The following NEB variants were observed in gnomAD, a reference collection of about 807,000 sequenced individuals.
The protein encoded by NEB is nemaline myopathy type 2.
In NEB, 512 loss-of-function variants were observed where a neutral mutation model predicts 952.2. The observed-to-expected ratio is 0.54, with a 90% confidence interval of 0.50 to 0.58. The LOEUF (loss-of-function observed/expected upper bound fraction) is 0.58, where lower values mean the gene tolerates loss of function less well. NEB is among the 20% of genes least tolerant of loss of function. The pLI, the probability that NEB is intolerant of heterozygous loss-of-function variation, is 0.00. For synonymous variants in NEB, 2,900 were observed against 3,149.8 expected, an observed-to-expected ratio of 0.92 and a Z score of 2.66; for missense variants, 8,428 against 9,231.1, an observed-to-expected ratio of 0.91 and a Z score of 3.56.
chr2:151,643,128 C>A (rs1293387209), intron 58 of NEB, 22 bp downstream of exon 58: 1 of 1,592,804 alleles, frequency 6.3e-7, no homozygotes, highest in Admixed American at 1.7e-5. Context: ...TAATAACCTC[C>A]TCAAACAAAC....
rs1470223803 is a variant in NEB at position 151,650,333 on chromosome 2, C to T, written c.7274G>A (p.Ser2425Asn). 6.2e-7 allele frequency: 1 copy of T among 1,613,906 alleles called. No homozygotes were observed. The highest frequency in any genetic ancestry group is 2.2e-5 in the East Asian group (1 of 44,870). ...DLEWLRGIGW[S>N]PLGSLEAEKN... Reference sequence around the variant, plus strand: ...TTCTGCCTCTAAAGAACCCAAGGGACTCCATCCTATGCCTCTCAGCCACTC... The same window carrying T: ...TTCTGCCTCTAAAGAACCCAAGGGATTCCATCCTATGCCTCTCAGCCACTC... Residue 2425 changes from serine to asparagine, a missense_variant, in exon 54 of 182, where the codon AGT becomes AAT. Transcript: ENST00000397345.
chr2:151,517,710 C>T (rs2078695504), intron 156 of NEB, among the ~76,000 whole-genome samples: 1 of 152,144 alleles, frequency 6.6e-6, no homozygotes, highest in African/African-American at 2.4e-5. Context: ...AATCTGTAGG[C>T]ACTTGTAACA....
intron 9 of NEB, among the ~76,000 whole-genome samples, chr2:151,719,192 A>G (rs1017211908): frequency 2.0e-5 from 3 of 152,206 alleles, no homozygotes; most frequent in African/African-American, 7.2e-5. Flanking sequence ...GGCAAAGAAG[A>G]TGTCCTATCC....
chr2:151,636,303 T>C lies in NEB; in HGVS notation c.9026A>G (p.Lys3009Arg). Residue 3009 changes from lysine (K) to arginine (R), a missense_variant, in exon 64 of 182, where the codon AAG (lysine) becomes AGG (arginine). Physicochemically the swap from Lys to Arg is conservative, Grantham distance 26. Transcript: ENST00000397345. ...GCTTCGCAAGTCATAGCCTTTCTTC[T>C]TTGCTTCTTCATTAGCAAGTTTGTA... ...SLYKLANEEA[K>R]KKGYDLRSDA... The C allele has an allele frequency of 3.1e-6, 5 of 1,608,600 alleles. No homozygotes were observed. Among genetic ancestry groups the C allele is most frequent in the South Asian group, 1.1e-5 (1 of 91,042 alleles).
rs533137797 is a variant in NEB at position 151,554,362 on chromosome 2, AC to A, written c.19429-338del. On this transcript the variant is annotated intron_variant, in intron 125 of 181. Transcript: ENST00000397345. Reference sequence around the variant, plus strand: ...AATTGCTTGAGCCCAGGAGTTTGAGACCAGAGTGGGCAACATAACGAGATTC... The same window carrying A: ...AATTGCTTGAGCCCAGGAGTTTGAGACAGAGTGGGCAACATAACGAGATTC... Among the ~76,000 whole-genome samples the A allele has an allele frequency of 2.6e-4, 39 of 152,122 alleles. No homozygotes were observed. In the South Asian group the frequency reaches 8.1e-3, roughly 32 times the overall value.
rs1292548449 is a variant in NEB, at chr2:151,636,324, T to C, written c.9005A>G (p.Lys3002Arg). Residue 3002 changes from lysine (K) to arginine (R), a missense_variant, in exon 64 of 182, where the codon AAA becomes AGA. By Grantham distance (26) the Lys-to-Arg change is conservative. This residue lies in a region of NEB where 1,772 missense variants were observed against 1,960.3 expected (regional missense o/e 0.90). Coordinates refer to ENST00000397345, the MANE Select transcript of NEB (RefSeq NM_001164508.2). ...CTTCTTTGCTTCTTCATTAGCAAGT[T>C]TGTACAGACTCTAAATTTGGGGGAA... ...NKINYSESLY[K>R]LANEEAKKKG... 1.9e-6 allele frequency: 3 copies of C among 1,605,144 alleles called. No individual in the cohort carries two copies. Among genetic ancestry groups the C allele is most frequent in the Admixed American group, 3.3e-5 (2 of 59,800 alleles).
At position 151,567,272 on chromosome 2, in the gene NEB, G is replaced by A. The variant is rs1223624917; in HGVS notation, c.18052C>T (p.Leu6018Phe). The A allele has an allele frequency of 3.1e-6, 5 of 1,613,760 alleles. No homozygotes were observed. The highest frequency in any genetic ancestry group is 1.7e-5 in the Admixed American group (1 of 59,982). ...SVLAAKQGQT[L>F]VSDIDYRNYL... is the part of the protein sequence containing the mutation. ...TTACGATAATCAATATCACTGACAA[G>A]GGTCTGCCCCTGCTTGGCGGCCAAG... The change falls in exon 114 of 182, where the codon CTT becomes TTT. Residue 6018 changes from leucine to phenylalanine, a missense_variant. Leu to Phe is a conservative substitution (Grantham distance 22). Transcript: ENST00000397345.
In NEB at chr2:151,671,104, G is replaced by A. The variant is rs371545317; in HGVS notation, c.4425C>T (p.His1475=). The change falls in exon 38 of 182, where the codon CAC becomes CAT. Residue 1475 remains histidine (H), a synonymous_variant. Transcript: ENST00000397345. Reference sequence around the variant, plus strand: ...CACTTGTGAACTTGACGGTATCTGGGTGCTGTCGATACTTCCTCTCATTTA... The same window carrying A: ...CACTTGTGAACTTGACGGTATCTGGATGCTGTCGATACTTCCTCTCATTTA... ...DALNERKYRQ[H]PDTVKFTSVP... 56 of 1,613,864 alleles carry A rather than the reference G, an allele frequency of 3.5e-5. No homozygotes were observed. The highest frequency in any genetic ancestry group is 4.7e-5 in the Non-Finnish European group (56 of 1,179,884).
intron 34 of NEB, among the ~76,000 whole-genome samples, chr2:151,676,164 A>C (rs1404188680): frequency 6.6e-6 from 1 of 152,232 alleles, no homozygotes; most frequent in East Asian, 1.9e-4. Context: ...ACCCAAGATA[A>C]AATCTGACAT....
rs2154134476 is a variant in NEB, at chr2:151,650,386, A to G, written c.7228-7T>C. ...GGTCAGATTTATATAGATTCTGTGA[A>G]AAGACAGAGCAAGCCATCAAAATCC... is the stretch of plus-strand genomic sequence containing the variant. On this transcript the variant is annotated splice_region_variant and splice_polypyrimidine_tract_variant and intron_variant, in intron 53 of 181. Transcript: ENST00000397345. 1.9e-6 allele frequency: 3 copies of G among 1,612,632 alleles called. No homozygotes were observed. Among genetic ancestry groups the G allele is most frequent in the African/African-American group, 2.7e-5 (2 of 75,022 alleles).
rs1284612506 is a variant in NEB, at chr2:151,513,635, G to A, written c.23186C>T (p.Ala7729Val). 6.2e-7 allele frequency: 1 copy of A among 1,610,536 alleles called. No homozygotes were observed. The highest frequency in any genetic ancestry group is 1.7e-4 in the Middle Eastern group (1 of 6,060). The stretch of plus-strand genomic sequence containing the variant: ...CCTCATAAAATCCGGAGTTTCATTG[G>A]CCATGGCATTCAGGCCTCTTCCTTT... ...EVKGRGLNAMANETPDFMRAR... is the reference protein window; with the variant it reads ...EVKGRGLNAMVNETPDFMRAR... The change falls in exon 160 of 182, where the codon GCC (alanine) becomes GTC (valine). Residue 7729 changes from alanine to valine, a missense_variant. Transcript: ENST00000397345.
intron 53 of NEB, 66 bp from the exon 54 acceptor site, chr2:151,650,445 T>C: frequency 1.3e-6 from 2 of 1,545,344 alleles, no homozygotes; most frequent in East Asian, 4.5e-5. Flanking sequence ...CAAGTGATTC[T>C]ATGCATTACA....
rs2077761139 is a variant in NEB, at chr2:151,516,445, T to G, written c.22905+14A>C. On this transcript the variant is annotated intron_variant, in intron 157 of 181. Transcript: ENST00000397345. ...GATGGATCATTGTTGTGTGGTGTGGTTTTTTTGACTTACCCCACTCTGCAT... is the reference window on the plus strand; with the variant it reads ...GATGGATCATTGTTGTGTGGTGTGGGTTTTTTGACTTACCCCACTCTGCAT... 1 of 1,553,396 alleles carries G rather than the reference T, an allele frequency of 6.4e-7. No homozygotes were observed. The highest frequency in any genetic ancestry group is 1.4e-5 in the African/African-American group (1 of 73,538).
Position 151,519,785 on chromosome 2 carries a change from A to G in NEB, c.22480-17T>C. ...GTATTTAACCTAACAGCAAATGCAA[A>G]CATCCAAATTATTCCTGGACATCAA... On this transcript the variant is annotated splice_polypyrimidine_tract_variant and intron_variant, in intron 153 of 181. Coordinates refer to ENST00000397345, the MANE Select transcript of NEB (RefSeq NM_001164508.2). The G allele has an allele frequency of 6.7e-7, 1 of 1,503,610 alleles. No individual in the cohort carries two copies. The highest frequency in any genetic ancestry group is 9.3e-7 in the Non-Finnish European group (1 of 1,080,160). The allele number at this position is 1,503,610 out of a possible 1,614,324, so 93.1% of individuals were successfully genotyped here.
At chr2:151,536,049 G>C (rs1189400664) in intron 141 of NEB, among the ~76,000 whole-genome samples, 1 of 152,142 alleles carries the variant, frequency 6.6e-6, no homozygotes, top group Non-Finnish European at 1.5e-5. Context: ...TGGGACTACA[G>C]GTTGTACACC....
At position 151,499,304 on chromosome 2, in the gene NEB, A is replaced by G. The variant is rs748169663; in HGVS notation, c.24108T>C (p.Phe8036=). The G allele has an allele frequency of 1.3e-4, 188 of 1,495,578 alleles. 1 individual carries two copies. The highest frequency in any genetic ancestry group is 1.5e-4 in the Non-Finnish European group (167 of 1,108,804). 92.6% of individuals were successfully genotyped at this position (1,495,578 alleles called of 1,614,324 possible). A position where few individuals can be genotyped will look rare whatever the true frequency, so the allele number is the denominator to read the frequency against. ...ATTTTTTATTTTTAAATACCGAACTAAAGTTTTCTTGATTGTGTTTGACTC... is the reference window on the plus strand; with the variant it reads ...ATTTTTTATTTTTAAATACCGAACTGAAGTTTTCTTGATTGTGTTTGACTC... ...MERVKHNQEN[F]SSVLYKENLG... is the part of the protein sequence containing the mutation. Residue 8036 remains phenylalanine, a synonymous_variant, in exon 169 of 182, where the codon TTT becomes TTC. Transcript: ENST00000397345.
chr2:151,668,053 T>G (rs71415169), intron 39 of NEB, 142 bp from the exon 40 acceptor site: 2 of 618,606 alleles, frequency 3.2e-6, no homozygotes, highest in East Asian at 5.6e-5. Flanking sequence ...TATTAGTTTG[T>G]CTTTTATGTA....
At chr2:151,632,811 C>T (rs141377412) in intron 65 of NEB, among the ~76,000 whole-genome samples, 13 of 152,086 alleles carry the variant, frequency 8.5e-5, no homozygotes, top group African/African-American at 2.9e-4. Flanking sequence ...AGGTGCCCAA[C>T]AAATAGACAG....
At chr2:151,686,175 C>T (rs2099496682) in intron 27 of NEB, among the ~76,000 whole-genome samples, 1 of 152,178 alleles carries the variant, frequency 6.6e-6, no homozygotes, top group Admixed American at 6.5e-5. Flanking sequence ...CTGTTTTGTT[C>T]ATGTTCACAC....
Sources: allele counts gnomAD v4.1 joint callset (sites outside exome capture counted in the v4.1 genomes callset), GRCh38; gene constraint gnomAD v4.1.1; regional missense constraint gnomAD v4.1.1; transcripts MANE v1.5; gene names NCBI Gene and HGNC (gene_info 2026-07-23, HGNC 2026-07-21).